The following DSCAML1 variants were observed in gnomAD, a reference collection of about 807,000 sequenced individuals.
DSCAML1 encodes the protein DS cell adhesion molecule like 1.
In DSCAML1, 38 loss-of-function variants were observed where a neutral mutation model predicts 200.5. The ratio of observed to expected loss-of-function variants is 0.19; its 90% CI spans 0.15 to 0.25. The LOEUF is 0.25. Ranked by LOEUF, DSCAML1 falls within the 10% of genes least tolerant of loss-of-function variation. DSCAML1 has a pLI of 1.00. For missense variants in DSCAML1, 2,223 were observed against 2,858.8 expected, an observed-to-expected ratio of 0.78 and a Z score of 5.07; for synonymous variants, 1,215 against 1,165.0, an observed-to-expected ratio of 1.04 and a Z score of -0.87.
intron 1 of DSCAML1, among the ~76,000 whole-genome samples, chr11:117,786,202 G>C (rs555239407): frequency 6.6e-6 from 1 of 152,206 alleles, no homozygotes; most frequent in Non-Finnish European, 1.5e-5. Context: ...CAACAGCAAG[G>C]CTTCTTCTGG....
intron 3 of DSCAML1, among the ~76,000 whole-genome samples, chr11:117,681,274 A>C (rs879926291): frequency 6.6e-6 from 1 of 152,226 alleles, no homozygotes; most frequent in Non-Finnish European, 1.5e-5. Context: ...CAGCATCGGC[A>C]TCACCTGAAC....
At chr11:117,660,168 G>A (rs1229299645) in intron 3 of DSCAML1, among the ~76,000 whole-genome samples, 5 of 152,156 alleles carry the variant, frequency 3.3e-5, no homozygotes, top group Non-Finnish European at 7.4e-5. Flanking sequence ...AGGGGCTCCT[G>A]CTTCCCAGTC....
chr11:117,769,192 A>ATC (rs2054960597), intron 3 of DSCAML1, among the ~76,000 whole-genome samples: 1 of 28,294 alleles, frequency 3.5e-5, no homozygotes, highest in Non-Finnish European at 9.9e-5. Context: ...ATACATATAT[A>ATC]TTTTATATAT....
rs1462366351 is a variant in DSCAML1, at chr11:117,503,062, G to A, written c.2359+783C>T. Among the ~76,000 whole-genome samples the A allele has an allele frequency of 2.0e-5, 3 of 152,122 alleles. No individual in the cohort carries two copies. The highest frequency in any genetic ancestry group is 2.1e-4 in the South Asian group (1 of 4,830). ...AATCCATTATACAGACACCTGCAGC[G>A]TAAAGGGAGAGGCTCACCCAGTAGG... On this transcript the variant is annotated intron_variant, in intron 11 of 32. Transcript: ENST00000651296. This position sits in a 1 kb window ranked among gnomAD's most constrained non-coding sequence, Gnocchi z 5.2.
At chr11:117,461,278 C>T (rs867168382) in intron 18 of DSCAML1, among the ~76,000 whole-genome samples, 172 bp downstream of exon 18, 1 of 152,072 alleles carries the variant, frequency 6.6e-6, no homozygotes, top group East Asian at 1.9e-4. Flanking sequence ...CACTCTCCCC[C>T]GGCCCCTATA....
At chr11:117,757,469 A>G (rs1391272134) in intron 3 of DSCAML1, among the ~76,000 whole-genome samples, 1 of 152,040 alleles carries the variant, frequency 6.6e-6, no homozygotes, top group South Asian at 2.1e-4. Context: ...GCAACATAAT[A>G]CCACATGTAC....
chr11:117,450,079 C>A (rs1231516765), intron 20 of DSCAML1, among the ~76,000 whole-genome samples: 1 of 152,236 alleles, frequency 6.6e-6, no homozygotes, highest in Non-Finnish European at 1.5e-5. Context: ...TGCCTTCTCT[C>A]GGCTTTCCCC....
At chr11:117,491,661 C>G (rs2049184480) in intron 11 of DSCAML1, among the ~76,000 whole-genome samples, 1 of 152,190 alleles carries the variant, frequency 6.6e-6, no homozygotes, top group Non-Finnish European at 1.5e-5. Context: ...GGAATCCCAG[C>G]TCCTCGGGAG....
At chr11:117,652,706 G>A (rs865882970) in intron 3 of DSCAML1, among the ~76,000 whole-genome samples, 2 of 152,266 alleles carry the variant, frequency 1.3e-5, no homozygotes, top group South Asian at 4.2e-4. Context: ...AGGAATGCTG[G>A]GACTGGTCAT....
chr11:117,455,470 T>G (rs187613714), intron 19 of DSCAML1, among the ~76,000 whole-genome samples: 187 of 152,232 alleles, frequency 1.2e-3, no homozygotes, highest in African/African-American at 4.3e-3. Context: ...CATGTGGAGG[T>G]CATATTGCTA....
chr11:117,770,766 G>C (rs894041031), intron 3 of DSCAML1, among the ~76,000 whole-genome samples: 3 of 152,162 alleles, frequency 2.0e-5, no homozygotes, highest in African/African-American at 7.2e-5. Flanking sequence ...CCCTTGGAGT[G>C]GGTTAATCTG....
chr11:117,709,801 T>C, intron 3 of DSCAML1: 2 of 453,962 alleles, frequency 4.4e-6, no homozygotes, highest in Non-Finnish European at 4.4e-6. Flanking sequence ...TGAAAAAGAA[T>C]GGACCCTAGG....
rs1419066173 is a variant in DSCAML1, at chr11:117,521,140, A to G, written c.1203T>C (p.Ile401=). 6.2e-7 allele frequency: 1 copy of G among 1,612,330 alleles called. No homozygotes were observed. The highest frequency in any genetic ancestry group is 8.5e-7 in the Non-Finnish European group (1 of 1,178,534). ...KAQTAQDFAI[I]ALEDGTPRIV... ...GGCGCCCCAGCTCACCCTCAAGTGC[A>G]ATGATGGCAAAGTCCTGGGCGGTCT... The change falls in exon 6 of 33, where the codon ATT becomes ATC. Residue 401 remains isoleucine (I), a synonymous_variant. Transcript: ENST00000651296.
chr11:117,451,028 A>G (rs1221567060), intron 19 of DSCAML1, among the ~76,000 whole-genome samples: 1 of 151,952 alleles, frequency 6.6e-6, no homozygotes, highest in Non-Finnish European at 1.5e-5. Context: ...CCTGACCCTC[A>G]CCCCCTTACT....
At chr11:117,783,014 A>G (rs1350281672) in intron 1 of DSCAML1, among the ~76,000 whole-genome samples, 1 of 152,170 alleles carries the variant, frequency 6.6e-6, no homozygotes, top group Non-Finnish European at 1.5e-5. Flanking sequence ...AACCACTGCA[A>G]TAATAAAGAG....
intron 3 of DSCAML1, among the ~76,000 whole-genome samples, chr11:117,593,926 G>A (rs1339678835): frequency 6.6e-6 from 1 of 151,952 alleles, no homozygotes; most frequent in Non-Finnish European, 1.5e-5. Flanking sequence ...TGTTAGCCAG[G>A]ATGGTCTCGA....
At chr11:117,759,555 A>G (rs1425003779) in intron 3 of DSCAML1, among the ~76,000 whole-genome samples, 1 of 152,032 alleles carries the variant, frequency 6.6e-6, no homozygotes, top group Admixed American at 6.5e-5. Flanking sequence ...TTGTAATGTG[A>G]GCTGGAGTTG....
chr11:117,606,437 G>A (rs2051567871), intron 3 of DSCAML1, among the ~76,000 whole-genome samples: 1 of 152,128 alleles, frequency 6.6e-6, no homozygotes. Flanking sequence ...AAAACACTTT[G>A]ATCGATGAGT....
At chr11:117,626,209 CTCCT>C (rs67876186) in intron 3 of DSCAML1, among the ~76,000 whole-genome samples, 27,824 of 139,716 alleles carry the variant, frequency 0.2, 2,703 homozygotes, top group South Asian at 0.22. Flanking sequence ...ACCCCCCCCC[CTCCT>C]TCTTCTGGCA....
Sources: allele counts gnomAD v4.1 joint callset (sites outside exome capture counted in the v4.1 genomes callset), GRCh38; gene constraint gnomAD v4.1.1; non-coding constraint Gnocchi (gnomAD v3.1); transcripts MANE v1.5; gene names NCBI Gene and HGNC (gene_info 2026-07-23, HGNC 2026-07-21).